Variants in ME3 observed in about 807,000 individuals in gnomAD.
ME3 encodes the protein NADP-dependent malic enzyme, mitochondrial.
ME3 carries 48 observed loss-of-function variants against 68.9 expected under a neutral mutation model. That is an observed-to-expected ratio of 0.70 (90% CI 0.55 to 0.89). The LOEUF is 0.89. Among genes scored for constraint, ME3 ranks in the 40% least tolerant of loss-of-function variants. The probability of loss-of-function intolerance (pLI) is 0.00; values close to 1 mark genes in which losing one functional copy is unlikely to be tolerated. For missense variants in ME3, 675 were observed against 797.4 expected (o/e 0.85, Z 1.85); for synonymous variants, 320 against 318.8 (o/e 1.00, Z -0.04).
intron 2 of ME3, among the ~76,000 whole-genome samples, chr11:86,623,725 C>T (rs964735799): frequency 1.3e-5 from 2 of 152,176 alleles, no homozygotes; most frequent in African/African-American, 4.8e-5. Flanking sequence ...TAATCCATGG[C>T]TCAGTCAACC....
At position 86,628,388 on chromosome 11, in the gene ME3, T is replaced by G. The variant is rs184711913; in HGVS notation, c.183+43374A>C. Among the ~76,000 whole-genome samples, 131 of 152,336 alleles carry G rather than the reference T, an allele frequency of 8.6e-4. 1 individual carries two copies. The highest frequency in any genetic ancestry group is 3.0e-3 in the African/African-American group (126 of 41,580). On this transcript the variant is annotated intron_variant, in intron 2 of 14. Coordinates refer to ENST00000543262, the Ensembl canonical transcript of ME3. ...CCAGCTTCCCCTTCTAAGATGCTAT[T>G]TCTGTCTTTCCTAAGCAGTTGTTCT...
intron 2 of ME3, among the ~76,000 whole-genome samples, chr11:86,632,140 T>G (rs948917132): frequency 2.0e-5 from 3 of 152,238 alleles, no homozygotes; most frequent in African/African-American, 7.2e-5. Context: ...ATTCCAACTC[T>G]GACCTGCCTG....
intron 2 of ME3, among the ~76,000 whole-genome samples, chr11:86,604,804 G>A (rs1019860118): frequency 6.6e-6 from 1 of 152,148 alleles, no homozygotes; most frequent in Non-Finnish European, 1.5e-5. Flanking sequence ...AGACAGTTAA[G>A]AAAATTATTA....
intron 2 of ME3, among the ~76,000 whole-genome samples, chr11:86,598,059 C>T (rs147410475): frequency 0.036 from 5,466 of 152,188 alleles, 129 homozygotes; most frequent in Non-Finnish European, 0.054. Context: ...ATCTGAGGTA[C>T]TGGGTTCATC....
chr11:86,592,512 C>A (rs1204770895), intron 2 of ME3, among the ~76,000 whole-genome samples: 3 of 152,172 alleles, frequency 2.0e-5, no homozygotes. Context: ...TTCATTACTA[C>A]ATCTGAGGGG....
intron 2 of ME3, among the ~76,000 whole-genome samples, chr11:86,617,060 T>TTTTTTA (rs1943022860): frequency 7.2e-6 from 1 of 138,322 alleles, no homozygotes. Flanking sequence ...TTTTTTTTTT[T>TTTTTTA]TTTTTTTTTT....
chr11:86,536,719 T>A (rs973119943), intron 4 of ME3, among the ~76,000 whole-genome samples: 1 of 149,304 alleles, frequency 6.7e-6, no homozygotes, highest in Non-Finnish European at 1.5e-5. Flanking sequence ...ATTGTGGAAG[T>A]CAGTGTGGCG....
intron 2 of ME3, among the ~76,000 whole-genome samples, chr11:86,649,416 C>T (rs1945249430): frequency 6.6e-6 from 1 of 152,182 alleles, no homozygotes; most frequent in African/African-American, 2.4e-5. Flanking sequence ...GACAAGGATG[C>T]CCTCTCTCAC....
intron 6 of ME3, among the ~76,000 whole-genome samples, chr11:86,492,013 G>C (rs1260944529): frequency 6.6e-6 from 1 of 152,220 alleles, no homozygotes; most frequent in South Asian, 2.1e-4. Flanking sequence ...TGCTGGTCCT[G>C]GTGGCTGTGG....
intron 2 of ME3, among the ~76,000 whole-genome samples, chr11:86,597,322 C>G (rs1378471551): frequency 6.6e-6 from 1 of 152,200 alleles, no homozygotes; most frequent in South Asian, 2.1e-4. Context: ...ACAGTATCCC[C>G]GAGCAATGTG....
chr11:86,515,154 A>G (rs966382593), intron 4 of ME3, among the ~76,000 whole-genome samples: 6 of 152,214 alleles, frequency 3.9e-5, no homozygotes, highest in Non-Finnish European at 7.3e-5. Context: ...GTGATGCACA[A>G]TTGGGACTAA....
chr11:86,557,620 C>T (rs1034982364), intron 3 of ME3, among the ~76,000 whole-genome samples: 8 of 152,250 alleles, frequency 5.3e-5, no homozygotes, highest in East Asian at 3.9e-4. Context: ...CTTCTTGGGT[C>T]TCAGCCTCTT....
chr11:86,446,480 C>G (rs1949303397), exon 13 of ME3: 17 of 1,614,100 alleles, frequency 1.1e-5, no homozygotes, highest in African/African-American at 1.3e-5. Flanking sequence ...GGCAAAAATC[C>G]CTCGGCCCTG....
At chr11:86,452,905 TC>T (rs1170001403) in intron 8 of ME3, among the ~76,000 whole-genome samples, 2 of 152,226 alleles carry the variant, frequency 1.3e-5, no homozygotes, top group South Asian at 4.1e-4. Flanking sequence ...ACATTGTCTA[TC>T]CCCATGTTGG....
intron 6 of ME3, among the ~76,000 whole-genome samples, chr11:86,493,751 G>T (rs1952137418): frequency 6.6e-6 from 1 of 152,186 alleles, no homozygotes; most frequent in African/African-American, 2.4e-5. Context: ...AGGTAAAAGT[G>T]ATGCAGAGTT....
chr11:86,659,591 G>T (rs1946142946), intron 2 of ME3, among the ~76,000 whole-genome samples: 1 of 152,202 alleles, frequency 6.6e-6, no homozygotes. Flanking sequence ...GGTTCACATT[G>T]TGTATGCAAG....
chr11:86,462,702 ATGGTTCTTGCCTCC>A, intron 8 of ME3: 2 of 748,286 alleles, frequency 2.7e-6, no homozygotes, highest in Non-Finnish European at 4.0e-6. Flanking sequence ...TGGATAAGGC[ATGGTTCTTGCCTCC>A]AGAAGCTTAT....
chr11:86,534,807 G>A (rs1264482153), intron 4 of ME3, among the ~76,000 whole-genome samples: 1 of 152,132 alleles, frequency 6.6e-6, no homozygotes, highest in Non-Finnish European at 1.5e-5. Flanking sequence ...ACTTCCACTT[G>A]GGTTTGCTCT....
intron 2 of ME3, among the ~76,000 whole-genome samples, chr11:86,627,411 C>T (rs1361324363): frequency 2.0e-5 from 3 of 152,100 alleles, no homozygotes; most frequent in Non-Finnish European, 2.9e-5. Flanking sequence ...AATTTGCTTG[C>T]CCTTTATGGT....
Sources: gnomAD v4.1 joint callset for allele counts (sites outside exome capture counted in the v4.1 genomes callset) on GRCh38, gnomAD v4.1.1 for gene constraint, MANE v1.5 for transcripts, NCBI Gene and HGNC (gene_info 2026-07-23, HGNC 2026-07-21) for gene names.